Variants in SLC2A12 observed in about 807,000 individuals in gnomAD.
SLC2A12 encodes the protein solute carrier family 2, facilitated glucose transporter member 12.
Under a neutral mutation model 41.8 loss-of-function variants are expected in SLC2A12, and 23 were observed. The observed-to-expected ratio is 0.55, with a 90% CI of 0.40 to 0.78. The LOEUF (loss-of-function observed/expected upper bound fraction) is 0.78. SLC2A12 is among the 30% of genes least tolerant of loss of function. SLC2A12 has a pLI of 0.00. For missense variants in SLC2A12, 654 were observed against 745.6 expected, an observed-to-expected ratio of 0.88 and a Z score of 1.43; for synonymous variants, 295 against 285.9, an observed-to-expected ratio of 1.03 and a Z score of -0.32.
At chr6:134,039,711 C>T (rs184308512) in intron 1 of SLC2A12, among the ~76,000 whole-genome samples, 100 of 152,192 alleles carry the variant, frequency 6.6e-4, no homozygotes, top group Non-Finnish European at 1.1e-3. Context: ...ATTCTAATCC[C>T]GAATGTTGGA....
At chr6:134,005,372 CT>C (rs1776799006) in intron 3 of SLC2A12, among the ~76,000 whole-genome samples, 1 of 152,068 alleles carries the variant, frequency 6.6e-6, no homozygotes, top group African/African-American at 2.4e-5. Flanking sequence ...ATTACAGAAT[CT>C]CCCTGCCAGG....
In SLC2A12 at chr6:134,029,606, G is replaced by A. The variant is rs372672427; in HGVS notation, c.219C>T (p.Ala73=). ...GALLQIKTLL[A]LSCHEQEMVV... Reference sequence around the variant, plus strand: ...CCATTTCCTGCTCATGGCAGCTCAGGGCTAATAAGGTTTTGATCTGAAGAA... The same window carrying A: ...CCATTTCCTGCTCATGGCAGCTCAGAGCTAATAAGGTTTTGATCTGAAGAA... The change falls in exon 2 of 5, where the codon GCC becomes GCT. Residue 73 remains alanine, a synonymous_variant. Transcript: ENST00000275230. The A allele has an allele frequency of 6.8e-6, 11 of 1,613,878 alleles. No homozygotes were observed. The African/African-American group carries it at 1.3e-4, about 20-fold the overall frequency.
rs190182732 is a variant in SLC2A12 at position 134,011,399 on chromosome 6, A to C, written c.1445-4465T>G. Among the ~76,000 whole-genome samples, 22 of 152,068 alleles carry C rather than the reference A, an allele frequency of 1.4e-4. No homozygotes were observed. The East Asian group carries it at 4.1e-3, about 28-fold the overall frequency. On this transcript the variant is annotated intron_variant, in intron 2 of 4. Transcript: ENST00000275230. Reference sequence around the variant, plus strand: ...CACTTTGGGAGGTCGAGGCAGGTGGATCGCTTGAGCCCAGGAGTTTGAGAC... The same window carrying C: ...CACTTTGGGAGGTCGAGGCAGGTGGCTCGCTTGAGCCCAGGAGTTTGAGAC...
At chr6:133,995,185 G>A (rs1208653710) in intron 4 of SLC2A12, among the ~76,000 whole-genome samples, 1 of 152,178 alleles carries the variant, frequency 6.6e-6, no homozygotes, top group Non-Finnish European at 1.5e-5. Context: ...GGAGAGAAAA[G>A]TGGCACAAAA....
intron 1 of SLC2A12, among the ~76,000 whole-genome samples, chr6:134,038,755 G>A (rs546388264): frequency 7.1e-6 from 1 of 140,942 alleles, no homozygotes; most frequent in Non-Finnish European, 1.5e-5. Flanking sequence ...GCCCAGGCTG[G>A]AGTGCAGTGG....
At chr6:134,001,068 T>C (rs777042361) in intron 4 of SLC2A12, among the ~76,000 whole-genome samples, 5 of 151,386 alleles carry the variant, frequency 3.3e-5, no homozygotes, top group Non-Finnish European at 7.4e-5. Context: ...AGAAAACCTG[T>C]TGGGGGGAGC....
chr6:134,047,803 A>G (rs1435795465), intron 1 of SLC2A12, among the ~76,000 whole-genome samples: 1 of 152,242 alleles, frequency 6.6e-6, no homozygotes, highest in Non-Finnish European at 1.5e-5. Flanking sequence ...AAACTGGTTC[A>G]GGCATGCTGG....
At chr6:134,029,843 A>G in intron 1 of SLC2A12, 122 bp from the exon 2 acceptor site, 2 of 1,213,528 alleles carry the variant, frequency 1.6e-6, no homozygotes, top group South Asian at 3.4e-5. Context: ...ACGAACACAC[A>G]ATTATGATAA....
At position 134,052,585 on chromosome 6, in the gene SLC2A12, TG is replaced by T; in HGVS notation, c.-106del. ...CATAATAGCATGCTAAAGAAGAGTG[TG>T]GGGAAAAACTTCGGGCAAAGCTAAT... is the stretch of plus-strand genomic sequence containing the variant. On this transcript the variant is annotated 5_prime_UTR_variant, in exon 1 of 5. Coordinates refer to ENST00000275230, the MANE Select transcript of SLC2A12 (RefSeq NM_145176.3). The T allele has an allele frequency of 1.2e-6, 1 of 850,660 alleles. No homozygotes were observed. Among genetic ancestry groups the T allele is most frequent in the East Asian group, 2.5e-5 (1 of 40,158 alleles). The allele number at this position is 850,660 out of a possible 1,614,324, so 52.7% of individuals were successfully genotyped here. A position where few individuals can be genotyped will look rare whatever the true frequency, so the allele number is the denominator to read the frequency against.
At chr6:134,021,147 G>A (rs943639582) in intron 2 of SLC2A12, among the ~76,000 whole-genome samples, 1 of 151,992 alleles carries the variant, frequency 6.6e-6, no homozygotes, top group African/African-American at 2.4e-5. Flanking sequence ...GCCTCGTGAT[G>A]GTGTCTGGCA....
Position 133,988,879 on chromosome 6 carries a change from C to T in SLC2A12, c.*2276G>A, listed in dbSNP as rs1582590267. 6.6e-6 allele frequency: 1 copy of T among 152,230 alleles called. No homozygotes were observed. The highest frequency in any genetic ancestry group is 2.4e-5 in the African/African-American group (1 of 41,528). 9.4% of individuals were successfully genotyped at this position (152,230 alleles called of 1,614,324 possible). A position where few individuals can be genotyped will look rare whatever the true frequency, so the allele number is the denominator to read the frequency against. On this transcript the variant is annotated 3_prime_UTR_variant, in exon 5 of 5. Coordinates refer to ENST00000275230, the MANE Select transcript of SLC2A12 (RefSeq NM_145176.3). ...AGTTTTAATTAACAGTAATAAGTCA[C>T]CTCCTGTTTTTCAATGTTCACCAAA...
intron 2 of SLC2A12, among the ~76,000 whole-genome samples, chr6:134,022,614 T>C (rs1777060827): frequency 6.6e-6 from 1 of 152,094 alleles, no homozygotes; most frequent in African/African-American, 2.4e-5. Context: ...CCCCAGATCA[T>C]TTCTAATCTC....
intron 3 of SLC2A12, among the ~76,000 whole-genome samples, chr6:134,004,053 T>G (rs1456363524): frequency 6.6e-6 from 1 of 152,250 alleles, no homozygotes; most frequent in Non-Finnish European, 1.5e-5. Flanking sequence ...TAAGTGGATC[T>G]GTTTTCCTAC....
At chr6:134,031,318 G>A (rs1374113586) in intron 1 of SLC2A12, among the ~76,000 whole-genome samples, 1 of 152,128 alleles carries the variant, frequency 6.6e-6, no homozygotes, top group African/African-American at 2.4e-5. Context: ...CTTGAACCCA[G>A]GAGGCAGAGG....
intron 1 of SLC2A12, among the ~76,000 whole-genome samples, chr6:134,048,576 A>G (rs1227591494): frequency 6.6e-6 from 1 of 152,208 alleles, no homozygotes; most frequent in Non-Finnish European, 1.5e-5. Context: ...CTCAGAAAAA[A>G]CAAAACAACA....
chr6:134,035,339 C>T (rs1021041429), intron 1 of SLC2A12, among the ~76,000 whole-genome samples: 22 of 152,004 alleles, frequency 1.4e-4, no homozygotes, highest in African/African-American at 5.1e-4. Flanking sequence ...AATCATAAAA[C>T]CTAAAAAGGT....
chr6:134,029,826 G>A (rs1407804815), intron 1 of SLC2A12, 105 bp from the exon 2 acceptor site: 2 of 1,348,976 alleles, frequency 1.5e-6, no homozygotes, highest in Non-Finnish European at 2.0e-6. Flanking sequence ...CATAGCACTG[G>A]GTTTAAACGA....
intron 4 of SLC2A12, among the ~76,000 whole-genome samples, chr6:133,992,395 G>A (rs1042810589): frequency 6.6e-6 from 1 of 152,138 alleles, no homozygotes; most frequent in African/African-American, 2.4e-5. Context: ...GGGGGTCCTG[G>A]AGGCTTGGGA....
rs200794350 is a variant in SLC2A12 at position 134,038,700 on chromosome 6, CT to C, written c.104-8980del. On this transcript the variant is annotated intron_variant, in intron 1 of 4. Coordinates refer to ENST00000275230, the MANE Select transcript of SLC2A12 (RefSeq NM_145176.3). ...CTTTTATCCTTTCTTCCTTTCTTTC[CT>C]TTTTTTTTTTTTTTTTTTTTTTTTT... 3.3e-3 allele frequency among the ~76,000 whole-genome samples: 269 copies of C among 82,092 alleles called. 1 individual carries two copies. Among genetic ancestry groups the C allele is most frequent in the African/African-American group, 0.011 (169 of 15,690 alleles). The allele number at this position is 82,092 out of a possible 152,430, so 53.9% of individuals were successfully genotyped here.
Sources: allele counts gnomAD v4.1 joint callset (sites outside exome capture counted in the v4.1 genomes callset), GRCh38; gene constraint gnomAD v4.1.1; transcripts MANE v1.5; gene names NCBI Gene and HGNC (gene_info 2026-07-23, HGNC 2026-07-21).